PPEF1: variants seen among roughly 807,000 people sequenced by gnomAD.
PPEF1 encodes serine/threonine-protein phosphatase with EF-hands 1.
In PPEF1, 12 loss-of-function variants were observed where a neutral mutation model predicts 53.3. The observed-to-expected ratio is 0.23, with a 90% CI of 0.14 to 0.36. The LOEUF (loss-of-function observed/expected upper bound fraction) is 0.36, where lower values mean the gene tolerates loss of function less well. Among genes scored for constraint, PPEF1 ranks in the 10% least tolerant of loss-of-function variants. The pLI is 1.00. For synonymous variants in PPEF1, 165 were observed against 176.7 expected (o/e 0.93, Z 0.52); for missense variants, 334 against 490.4 (o/e 0.68, Z 3.01).
intron 6 of PPEF1, among the ~76,000 whole-genome samples, chrX:18,763,912 G>T (rs1352399960): frequency 9.0e-6 from 1 of 110,781 alleles, no homozygotes; most frequent in African/African-American, 3.3e-5. Context: ...GGTGTAGGAA[G>T]TCCAGGCGAA....
chrX:18,736,706 A>G (rs914600115), intron 3 of PPEF1, among the ~76,000 whole-genome samples: 1 of 112,409 alleles, frequency 8.9e-6, no homozygotes, highest in South Asian at 3.7e-4. Flanking sequence ...AAGGAATGGT[A>G]CCAGCTCCTC....
At chrX:18,739,408 C>A (rs1399772496) in intron 3 of PPEF1, among the ~76,000 whole-genome samples, 1 of 112,111 alleles carries the variant, frequency 8.9e-6, no homozygotes, top group African/African-American at 3.2e-5. Context: ...CACTCCAGAC[C>A]CTGTTTGCCT....
chrX:18,728,205 A>C (rs2238946), intron 1 of PPEF1, among the ~76,000 whole-genome samples: 1,219 of 109,842 alleles, frequency 0.011, 40 homozygotes, highest in Admixed American at 0.1. Context: ...CTCTCTCTCT[A>C]TATATATATC....
chrX:18,704,878 G>A (rs111384930), upstream of PPEF1, among the ~76,000 whole-genome samples: 22 of 111,282 alleles, frequency 2.0e-4, no homozygotes, highest in African/African-American at 7.2e-4. Flanking sequence ...GCTGAGTACT[G>A]GGAGTTTGAA....
chrX:18,813,038 C>T (rs2046839168), intron 12 of PPEF1, among the ~76,000 whole-genome samples: 1 of 111,432 alleles, frequency 9.0e-6, no homozygotes, highest in African/African-American at 3.3e-5. Context: ...CCGCACTTGG[C>T]CTGTTTTCTT....
intron 13 of PPEF1, among the ~76,000 whole-genome samples, chrX:18,818,990 C>T (rs2147746211): frequency 1.8e-5 from 2 of 111,671 alleles, no homozygotes; most frequent in East Asian, 5.7e-4. Flanking sequence ...CTTGGACCCT[C>T]AAAGTGGCTA....
intron 5 of PPEF1, 96 bp from the exon 6 acceptor site, chrX:18,761,434 T>C: frequency 2.6e-6 from 2 of 769,626 alleles, no homozygotes; most frequent in Non-Finnish European, 4.0e-6. Context: ...CCCAATGCCC[T>C]GAGAACACTT....
At chrX:18,825,903 A>G (rs1049715843) in intron 15 of PPEF1, 68 bp downstream of exon 15, 3 of 760,247 alleles carry the variant, frequency 3.9e-6, no homozygotes. Context: ...GGGATACAAA[A>G]TGAGTACACT....
intron 3 of PPEF1, among the ~76,000 whole-genome samples, chrX:18,748,251 T>C (rs2045368960): frequency 1.8e-5 from 2 of 112,724 alleles, no homozygotes; most frequent in South Asian, 7.2e-4. Flanking sequence ...AACACTGTGG[T>C]ACACAAGAAT....
chrX:18,806,538 C>T lies in PPEF1; in HGVS notation c.1387C>T (p.Arg463Cys), dbSNP rs781608340. The T allele has an allele frequency of 2.4e-5, 29 of 1,205,935 alleles. No individual in the cohort carries two copies. Among genetic ancestry groups the T allele is most frequent in the South Asian group, 3.6e-5 (2 of 55,978 alleles). The change falls in exon 12 of 16, where the codon CGC becomes TGC. Residue 463 changes from arginine to cysteine, a missense_variant. By Grantham distance (180) the Arg-to-Cys change is radical (BLOSUM62 -3). Coordinates refer to ENST00000470157, the MANE Select transcript of PPEF1 (RefSeq NM_001377996.1). ...VTKATCFQPL[R>C]QRVDTMENSA... ...TAAAGCAACGTGCTTTCAGCCTCTT[C>T]GCCAAAGGTGTGTATACTATACCGA... is the stretch of plus-strand genomic sequence containing the variant.
At chrX:18,799,885 G>A (rs1243395514) in intron 10 of PPEF1, among the ~76,000 whole-genome samples, 1 of 111,787 alleles carries the variant, frequency 8.9e-6, no homozygotes, top group Non-Finnish European at 1.9e-5. Flanking sequence ...ACCAACAAAT[G>A]GGCTTTTATG....
intron 3 of PPEF1, among the ~76,000 whole-genome samples, chrX:18,738,174 T>C (rs777789097): frequency 1.8e-5 from 2 of 111,621 alleles, no homozygotes; most frequent in East Asian, 5.6e-4. Context: ...ATTATGATGT[T>C]AGCTGGTTAT....
intron 1 of PPEF1, among the ~76,000 whole-genome samples, 190 bp from the exon 2 acceptor site, chrX:18,729,991 C>G (rs1569250122): frequency 8.9e-6 from 1 of 112,148 alleles, no homozygotes; most frequent in East Asian, 2.8e-4. Flanking sequence ...CATCATTATT[C>G]TCTGAGTGTT....
chrX:18,826,445 T>TG (rs2047167670), intron 15 of PPEF1, among the ~76,000 whole-genome samples: 1 of 57,638 alleles, frequency 1.7e-5, no homozygotes, highest in Non-Finnish European at 3.5e-5. Context: ...TTTTTTTTTT[T>TG]GCGACAGAGT....
intron 3 of PPEF1, among the ~76,000 whole-genome samples, chrX:18,749,176 G>A (rs1173787608): frequency 8.9e-6 from 1 of 111,834 alleles, no homozygotes; most frequent in Admixed American, 9.5e-5. Context: ...CTGTCTCTCC[G>A]AGACTGAGAG....
At chrX:18,788,043 G>A (rs756671905) in intron 9 of PPEF1, among the ~76,000 whole-genome samples, 6 of 112,016 alleles carry the variant, frequency 5.4e-5, no homozygotes, top group African/African-American at 1.3e-4. Context: ...TTGGCCGGGT[G>A]CAGTGGCTCA....
rs181549842 is a variant in PPEF1, at chrX:18,728,256, C to T, written c.47-1925C>T. ...TTCACACTGCTGATAAAGACATAAC[C>T]GAGACTGGGTAATTTATAAAGAAAA... On this transcript the variant is annotated intron_variant, in intron 1 of 15. Coordinates refer to ENST00000470157, the MANE Select transcript of PPEF1 (RefSeq NM_001377996.1). 8.8e-3 allele frequency among the ~76,000 whole-genome samples: 968 copies of T among 110,148 alleles called. 11 individuals are homozygous for T. The highest frequency in any genetic ancestry group is 0.03 in the African/African-American group (918 of 30,173).
At chrX:18,714,242 G>A (rs750989627) in intron 1 of PPEF1, among the ~76,000 whole-genome samples, 2 of 106,040 alleles carry the variant, frequency 1.9e-5, no homozygotes, top group South Asian at 8.5e-4. Context: ...CTCATGCTCA[G>A]TGTGGTACTT....
chrX:18,702,369 GAGCTAA>G (rs1382139594), intron 6 of PPEF1, among the ~76,000 whole-genome samples: 1 of 108,859 alleles, frequency 9.2e-6, no homozygotes, highest in African/African-American at 3.4e-5. Flanking sequence ...TTCAGGACTA[GAGCTAA>G]AGCCAATTTC....
Sources: gnomAD v4.1 joint callset for allele counts (sites outside exome capture counted in the v4.1 genomes callset) on GRCh38, gnomAD v4.1.1 for gene constraint, MANE v1.5 for transcripts, NCBI Gene and HGNC (gene_info 2026-07-23, HGNC 2026-07-21) for gene names.